The following SLC35F3 variants were observed in gnomAD, a reference collection of about 807,000 sequenced individuals.
SLC35F3 encodes solute carrier family 35 member F3, also known as putative thiamine transporter SLC35F3.
SLC35F3 carries 25 observed loss-of-function variants against 49.9 expected under a neutral mutation model. The ratio of observed to expected loss-of-function variants is 0.50; its 90% confidence interval spans 0.37 to 0.70. SLC35F3 has a LOEUF of 0.70. Among genes scored for constraint, SLC35F3 ranks in the 30% least tolerant of loss-of-function variants. The pLI is 0.00. For synonymous variants in SLC35F3, 275 were observed against 265.4 expected (o/e 1.04, Z -0.35); for missense variants, 525 against 639.8 (o/e 0.82, Z 1.94).
At chr1:234,316,832 CT>C in intron 5 of SLC35F3, 105 bp downstream of exon 5, 1 of 1,398,658 alleles carries the variant, frequency 7.1e-7, no homozygotes, top group South Asian at 1.4e-5. Context: ...CTGATGATAC[CT>C]GTGCTTCAGG....
chr1:233,927,027 T>A (rs184599238), intron 2 of SLC35F3, among the ~76,000 whole-genome samples: 28 of 152,316 alleles, frequency 1.8e-4, no homozygotes, highest in African/African-American at 6.5e-4. Flanking sequence ...TTTTTCAAAT[T>A]GGCTTCTTTC....
chr1:234,300,402 G>T (rs1668674931), intron 3 of SLC35F3, among the ~76,000 whole-genome samples: 1 of 152,128 alleles, frequency 6.6e-6, no homozygotes, highest in South Asian at 2.1e-4. Context: ...AAGACAAATG[G>T]CCCCATGCTT....
chr1:233,996,671 C>T (rs1485489768), intron 2 of SLC35F3, among the ~76,000 whole-genome samples: 3 of 152,234 alleles, frequency 2.0e-5, no homozygotes, highest in Middle Eastern at 6.8e-3. Context: ...AGGGTGTGTC[C>T]AAGGGTATTC....
At chr1:234,154,168 A>G (rs1666117476) in intron 2 of SLC35F3, among the ~76,000 whole-genome samples, 1 of 152,082 alleles carries the variant, frequency 6.6e-6, no homozygotes, top group African/African-American at 2.4e-5. Context: ...AAAGTGACAA[A>G]TGAGCTCAGG....
intron 2 of SLC35F3, among the ~76,000 whole-genome samples, chr1:234,131,309 A>T (rs748017355): frequency 4.6e-5 from 7 of 152,180 alleles, no homozygotes; most frequent in Non-Finnish European, 8.8e-5. Flanking sequence ...GAATATTTGC[A>T]TATCTATGTT....
chr1:234,145,129 C>A (rs2102905444), intron 2 of SLC35F3, among the ~76,000 whole-genome samples: 1 of 152,308 alleles, frequency 6.6e-6, no homozygotes, highest in South Asian at 2.1e-4. Flanking sequence ...TTCACTGTAT[C>A]CTGAGGAAAT....
intron 2 of SLC35F3, among the ~76,000 whole-genome samples, chr1:233,949,956 G>T (rs2102804257): frequency 6.6e-6 from 1 of 152,242 alleles, no homozygotes; most frequent in Admixed American, 6.5e-5. Context: ...GGTTAAGGCA[G>T]CCTCTAGTCA....
chr1:234,214,563 C>A lies in SLC35F3; in HGVS notation c.284-16854C>A. On this transcript the variant is annotated intron_variant, in intron 2 of 7. Transcript: ENST00000366618. This position sits in a 1 kb window ranked among gnomAD's most constrained non-coding sequence, Gnocchi z 8.0. Reference sequence around the variant, plus strand: ...TGCAACAGTCCGGTCCTGACCCTTACCAAAGTGGAAGGTAATGCGCGGCCG... The same window carrying A: ...TGCAACAGTCCGGTCCTGACCCTTAACAAAGTGGAAGGTAATGCGCGGCCG... The A allele has an allele frequency of 6.4e-7, 1 of 1,553,542 alleles. No individual in the cohort carries two copies. Among genetic ancestry groups the A allele is most frequent in the East Asian group, 2.6e-5 (1 of 39,182 alleles).
chr1:234,133,850 A>C (rs1367470317), intron 2 of SLC35F3, among the ~76,000 whole-genome samples: 2 of 152,226 alleles, frequency 1.3e-5, no homozygotes, highest in Non-Finnish European at 2.9e-5. Context: ...AGTGCAACTC[A>C]CAGAAAGAAC....
intron 2 of SLC35F3, among the ~76,000 whole-genome samples, chr1:234,206,174 A>G (rs1403664547): frequency 1.3e-5 from 2 of 152,094 alleles, no homozygotes; most frequent in Non-Finnish European, 2.9e-5. Context: ...CATGGAAAAC[A>G]CTGCAGAGTT....
At chr1:233,948,581 C>CT (rs1307722551) in intron 2 of SLC35F3, among the ~76,000 whole-genome samples, 3 of 148,940 alleles carry the variant, frequency 2.0e-5, no homozygotes, top group Non-Finnish European at 4.4e-5. Flanking sequence ...TTTTATTATA[C>CT]TTTAAGTTTT....
At chr1:234,108,157 C>T (rs765345945) in intron 2 of SLC35F3, among the ~76,000 whole-genome samples, 22 of 142,526 alleles carry the variant, frequency 1.5e-4, no homozygotes, top group Non-Finnish European at 1.0e-4. Context: ...TGCAACATAG[C>T]GATACCCTGT....
At chr1:234,097,898 G>T (rs1665147830) in intron 2 of SLC35F3, among the ~76,000 whole-genome samples, 1 of 152,220 alleles carries the variant, frequency 6.6e-6, no homozygotes, top group Non-Finnish European at 1.5e-5. Context: ...CACTTGCCAA[G>T]TGAAGGTGAT....
chr1:233,984,132 A>G (rs559884930), intron 2 of SLC35F3, among the ~76,000 whole-genome samples: 2 of 152,072 alleles, frequency 1.3e-5, no homozygotes, highest in Non-Finnish European at 2.9e-5. Context: ...CCAGGAAGGT[A>G]TTTTCTTCCC....
chr1:234,309,038 G>A, intron 3 of SLC35F3, 63 bp from the exon 4 acceptor site: 3 of 1,365,448 alleles, frequency 2.2e-6, no homozygotes, highest in Admixed American at 2.2e-5. Flanking sequence ...ACTTGCTATA[G>A]GAAATAAATG....
At chr1:234,154,730 G>T (rs1666126217) in intron 2 of SLC35F3, among the ~76,000 whole-genome samples, 1 of 152,150 alleles carries the variant, frequency 6.6e-6, no homozygotes, top group South Asian at 2.1e-4. Flanking sequence ...TAATAATGTA[G>T]GCATGGGATG....
intron 3 of SLC35F3, among the ~76,000 whole-genome samples, chr1:234,243,354 A>T (rs949396592): frequency 6.6e-6 from 1 of 152,212 alleles, no homozygotes; most frequent in Non-Finnish European, 1.5e-5. Context: ...CCTCAAAAAA[A>T]AATAATAAAG....
At position 233,977,861 on chromosome 1, in the gene SLC35F3, G is replaced by A. The variant is rs115110043; in HGVS notation, c.283+72103G>A. On this transcript the variant is annotated intron_variant, in intron 2 of 7. Transcript: ENST00000366618. ...AAGTAAGCAATTGTCAGGCCAGGGCGTTTGGACTCGGTGAGTGGATGCTTT... is the reference window on the plus strand; with the variant it reads ...AAGTAAGCAATTGTCAGGCCAGGGCATTTGGACTCGGTGAGTGGATGCTTT... Among the ~76,000 whole-genome samples, 1,004 of 152,314 alleles carry A rather than the reference G, an allele frequency of 6.6e-3. 7 individuals are homozygous for A. Among genetic ancestry groups the A allele is most frequent in the African/African-American group, 0.023 (951 of 41,574 alleles).
intron 2 of SLC35F3, among the ~76,000 whole-genome samples, chr1:234,192,744 A>G (rs1666749722): frequency 6.6e-6 from 1 of 152,154 alleles, no homozygotes; most frequent in Non-Finnish European, 1.5e-5. Context: ...AATTCAGCAA[A>G]TTTCAGGATA....
Sources: gnomAD v4.1 joint callset for allele counts (sites outside exome capture counted in the v4.1 genomes callset) on GRCh38, gnomAD v4.1.1 for gene constraint, Gnocchi (gnomAD v3.1) non-coding constraint, MANE v1.5 for transcripts, NCBI Gene and HGNC (gene_info 2026-07-23, HGNC 2026-07-21) for gene names.